BACH2: variants seen among roughly 807,000 people sequenced by gnomAD.
BACH2 encodes the protein BACH transcriptional regulator 2.
In BACH2, 5 loss-of-function variants were observed where a neutral mutation model predicts 61.8. That is an observed-to-expected ratio of 0.08 (90% CI 0.04 to 0.17). The LOEUF is 0.17. Among genes scored for constraint, BACH2 ranks in the 10% least tolerant of loss-of-function variants. The probability of loss-of-function intolerance (pLI) is 1.00; values close to 1 mark genes in which losing one functional copy is unlikely to be tolerated. For synonymous variants in BACH2, 446 were observed against 440.1 expected (o/e 1.01, Z -0.17); for missense variants, 824 against 1,091.1 (o/e 0.76, Z 3.45).
At chr6:90,034,978 A>T (rs907024826) in intron 5 of BACH2, among the ~76,000 whole-genome samples, 2 of 152,162 alleles carry the variant, frequency 1.3e-5, no homozygotes, top group African/African-American at 4.8e-5. Context: ...ATAGAAACAT[A>T]ACCTATAGAA....
At chr6:89,965,081 T>G (rs577298050) in intron 6 of BACH2, among the ~76,000 whole-genome samples, 2 of 152,238 alleles carry the variant, frequency 1.3e-5, no homozygotes, top group South Asian at 4.1e-4. Flanking sequence ...GAGAAGGGGT[T>G]TCGCCATGTT....
chr6:90,214,357 CG>C (rs1769456497), intron 3 of BACH2, among the ~76,000 whole-genome samples: 1 of 144,712 alleles, frequency 6.9e-6, no homozygotes, highest in Non-Finnish European at 1.5e-5. Flanking sequence ...CTTGGCGGGG[CG>C]GGGGGAGGGG....
intron 4 of BACH2, among the ~76,000 whole-genome samples, chr6:90,093,729 G>A (rs1375897569): frequency 2.0e-5 from 3 of 152,136 alleles, no homozygotes; most frequent in African/African-American, 7.2e-5. Context: ...CTTCTCCTAG[G>A]TGCTGGGCCA....
At chr6:90,119,952 G>C (rs1015905911) in intron 4 of BACH2, among the ~76,000 whole-genome samples, 2 of 152,216 alleles carry the variant, frequency 1.3e-5, no homozygotes, top group Non-Finnish European at 1.5e-5. Context: ...TAAGGACCCA[G>C]GAAAGCCAGC....
At chr6:90,258,636 T>A (rs1771060078) in intron 2 of BACH2, among the ~76,000 whole-genome samples, 1 of 152,234 alleles carries the variant, frequency 6.6e-6, no homozygotes, top group Non-Finnish European at 1.5e-5. Flanking sequence ...TTGCACCGAA[T>A]CTGTATATTG....
At chr6:90,143,965 A>G (rs1784541810) in intron 4 of BACH2, among the ~76,000 whole-genome samples, 1 of 152,174 alleles carries the variant, frequency 6.6e-6, no homozygotes, top group African/African-American at 2.4e-5. Context: ...GTTAGAAGGA[A>G]AGTCTTTGGA....
At position 90,008,302 on chromosome 6, in the gene BACH2, G is replaced by A; in HGVS notation, c.243+300C>T. On this transcript the variant is annotated intron_variant, in intron 6 of 8. Coordinates refer to ENST00000257749, the MANE Select transcript of BACH2 (RefSeq NM_021813.4). The surrounding 1 kb of genome is among the most constrained non-coding windows in gnomAD (Gnocchi z 4.1). ...AGCAATGATTCAGATCCCACATCTAGGACTGTGCCAAACTTAGGCTGAACC... is the reference window on the plus strand; with the variant it reads ...AGCAATGATTCAGATCCCACATCTAAGACTGTGCCAAACTTAGGCTGAACC... 1 of 454,240 alleles carries A rather than the reference G, an allele frequency of 2.2e-6. No individual in the cohort carries two copies. Among genetic ancestry groups the A allele is most frequent in the Non-Finnish European group, 4.1e-6 (1 of 246,852 alleles). The allele number at this position is 454,240 out of a possible 1,614,324, so 28.1% of individuals were successfully genotyped here. A position where few individuals can be genotyped will look rare whatever the true frequency, so the allele number is the denominator to read the frequency against.
At chr6:90,217,729 G>T (rs1769587776) in intron 3 of BACH2, among the ~76,000 whole-genome samples, 1 of 152,124 alleles carries the variant, frequency 6.6e-6, no homozygotes, top group African/African-American at 2.4e-5. Context: ...AGAATTTCAT[G>T]AATGAGCGGG....
chr6:90,117,202 C>G lies in BACH2; in HGVS notation c.-161-28093G>C, dbSNP rs572321266. The G allele has an allele frequency of 2.7e-4, 45 of 165,048 alleles. No individual in the cohort carries two copies. The East Asian group carries it at 5.0e-3, about 18-fold the overall frequency. 10.2% of individuals were successfully genotyped at this position (165,048 alleles called of 1,614,324 possible). ...ATCCCACTGATCTTGGGATGAAGCT[C>G]AAATATGGCTTCCAAGGCTGTTTAT... On this transcript the variant is annotated intron_variant, in intron 4 of 8. Transcript: ENST00000257749.
chr6:90,111,404 C>T (rs776159644), intron 4 of BACH2, among the ~76,000 whole-genome samples: 8 of 152,244 alleles, frequency 5.3e-5, no homozygotes, highest in African/African-American at 1.9e-4. Flanking sequence ...CTGCTTAAAA[C>T]TCCCACTTCA....
chr6:90,228,372 T>C (rs1412770890), intron 3 of BACH2, among the ~76,000 whole-genome samples: 1 of 152,252 alleles, frequency 6.6e-6, no homozygotes, highest in Non-Finnish European at 1.5e-5. Flanking sequence ...AGGTGGATTA[T>C]TACTATAATG....
intron 4 of BACH2, among the ~76,000 whole-genome samples, chr6:90,197,369 C>G (rs1215100336): frequency 6.6e-6 from 1 of 152,002 alleles, no homozygotes; most frequent in African/African-American, 2.4e-5. Flanking sequence ...TAAAATCAGG[C>G]AAAAATCAAT....
At chr6:90,268,638 C>T (rs1771423417) in intron 2 of BACH2, among the ~76,000 whole-genome samples, 1 of 152,006 alleles carries the variant, frequency 6.6e-6, no homozygotes. Flanking sequence ...TCTAGTAAAT[C>T]ATTTTTATTG....
At chr6:89,953,672 C>T (rs1475088216) in intron 6 of BACH2, among the ~76,000 whole-genome samples, 1 of 152,198 alleles carries the variant, frequency 6.6e-6, no homozygotes, top group African/African-American at 2.4e-5. Context: ...ATGGTAAATA[C>T]TTGTTAAAAG....
At chr6:90,057,663 C>T (rs1222899379) in intron 5 of BACH2, among the ~76,000 whole-genome samples, 1 of 152,054 alleles carries the variant, frequency 6.6e-6, no homozygotes, top group African/African-American at 2.4e-5. Context: ...CTGGCAGAGA[C>T]ACAACAAAAA....
intron 5 of BACH2, among the ~76,000 whole-genome samples, chr6:90,032,927 A>G: frequency 6.6e-6 from 1 of 152,206 alleles, no homozygotes; most frequent in Non-Finnish European, 1.5e-5. Flanking sequence ...TTGGGGCACT[A>G]TTCACAATAG....
At chr6:90,183,212 T>C (rs969257943) in intron 4 of BACH2, among the ~76,000 whole-genome samples, 1 of 152,242 alleles carries the variant, frequency 6.6e-6, no homozygotes, top group African/African-American at 2.4e-5. Context: ...GATATTTATA[T>C]ACAACTTAGA....
chr6:90,168,110 G>A (rs1767691387), intron 4 of BACH2, among the ~76,000 whole-genome samples: 1 of 152,210 alleles, frequency 6.6e-6, no homozygotes, highest in African/African-American at 2.4e-5. Context: ...TGTAATCTCA[G>A]TACTTTGGGA....
intron 5 of BACH2, among the ~76,000 whole-genome samples, chr6:90,029,861 C>T (rs142695877): frequency 4.1e-4 from 62 of 152,192 alleles, no homozygotes; most frequent in African/African-American, 1.5e-3. Flanking sequence ...GCAATGCGAC[C>T]GTTAGAGAAA....
Sources: gnomAD v4.1 joint callset for allele counts (sites outside exome capture counted in the v4.1 genomes callset) on GRCh38, gnomAD v4.1.1 for gene constraint, Gnocchi (gnomAD v3.1) non-coding constraint, MANE v1.5 for transcripts, NCBI Gene and HGNC (gene_info 2026-07-23, HGNC 2026-07-21) for gene names.